Variants in ANKRD31 observed in about 807,000 individuals in gnomAD.
ANKRD31 encodes the protein ankyrin repeat domain-containing protein 31.
ANKRD31 carries 147 observed loss-of-function variants against 186.0 expected under a neutral mutation model. That is an observed-to-expected ratio of 0.79 (90% CI 0.69 to 0.91). ANKRD31 has a LOEUF of 0.91. ANKRD31 is among the 40% of genes least tolerant of loss of function. ANKRD31 has a pLI of 0.00. For synonymous variants in ANKRD31, 673 were observed against 736.4 expected (o/e 0.91, Z 1.39); for missense variants, 1,986 against 2,148.8 (o/e 0.92, Z 1.50).
rs778872936 is a variant in ANKRD31, at chr5:75,222,263, C to T, written c.274G>A (p.Asp92Asn). The T allele has an allele frequency of 4.6e-6, 7 of 1,534,724 alleles. No individual in the cohort carries two copies. The South Asian group carries it at 8.3e-5, about 18-fold the overall frequency. The stretch of plus-strand genomic sequence containing the variant: ...ATGCTACACACCTGTAATATTGTAT[C>T]CTCGCTAAGAACAGGCATCATCTTA... Reference protein sequence around the residue: ...KNKMMPVLSEDTILQSQDETE... With the variant: ...KNKMMPVLSENTILQSQDETE... The change falls in exon 3 of 26, where the codon GAT (aspartate) becomes AAT (asparagine). Residue 92 changes from aspartate (D) to asparagine (N), a missense_variant. Transcript: ENST00000506364.
intron 22 of ANKRD31, among the ~76,000 whole-genome samples, chr5:75,102,195 C>G (rs887378661): frequency 1.3e-5 from 2 of 152,180 alleles, no homozygotes; most frequent in East Asian, 1.9e-4. Flanking sequence ...TGCTGCAGGT[C>G]CACTCCAGAT....
intron 10 of ANKRD31, 78 bp from the exon 11 acceptor site, chr5:75,169,199 T>G: frequency 6.9e-7 from 1 of 1,448,964 alleles, no homozygotes; most frequent in Non-Finnish European, 9.2e-7. Flanking sequence ...AAAAAACAAC[T>G]TTGATTCTAA....
intron 4 of ANKRD31, among the ~76,000 whole-genome samples, chr5:75,209,895 C>G (rs571711494): frequency 1.2e-4 from 19 of 152,310 alleles, no homozygotes; most frequent in Non-Finnish European, 2.5e-4. Context: ...AACACAATGA[C>G]TACTAATATT....
chr5:75,169,052 C>A lies in ANKRD31; in HGVS notation c.1634G>T (p.Gly545Val). Reference sequence around the variant, plus strand: ...TAATCCTTTGATATTTACATCTGCTCCACCTTTTAATAGTTCACTTGCTGT... The same window carrying A: ...TAATCCTTTGATATTTACATCTGCTACACCTTTTAATAGTTCACTTGCTGT... ...YRTASELLKG[G>V]ADVNIKGLYQ... Residue 545 changes from glycine to valine, a missense_variant, in exon 11 of 26, where the codon GGA becomes GTA. By Grantham distance (109) the Gly-to-Val change is moderately radical. Transcript: ENST00000506364. 6.5e-7 allele frequency: 1 copy of A among 1,536,816 alleles called. No individual in the cohort carries two copies. Among genetic ancestry groups the A allele is most frequent in the Non-Finnish European group, 8.7e-7 (1 of 1,146,518 alleles).
At chr5:75,207,713 A>T (rs1187015468) in intron 4 of ANKRD31, among the ~76,000 whole-genome samples, 2 of 152,134 alleles carry the variant, frequency 1.3e-5, no homozygotes, top group African/African-American at 4.8e-5. Flanking sequence ...AAACAAAAAT[A>T]TAAATAAAGC....
chr5:75,107,022 AC>A (rs1320506768), intron 21 of ANKRD31, among the ~76,000 whole-genome samples: 1 of 151,980 alleles, frequency 6.6e-6, no homozygotes, highest in African/African-American at 2.4e-5. Flanking sequence ...CAAGAAAAAA[AC>A]ATGTAACATT....
intron 17 of ANKRD31, among the ~76,000 whole-genome samples, chr5:75,129,789 C>T (rs1749590416): frequency 6.6e-6 from 1 of 152,172 alleles, no homozygotes. Flanking sequence ...GCTTGTCGGA[C>T]AGTGGGTGCA....
At chr5:75,210,626 CA>C (rs1756562690) in intron 4 of ANKRD31, among the ~76,000 whole-genome samples, 1 of 152,032 alleles carries the variant, frequency 6.6e-6, no homozygotes. Flanking sequence ...AATAGAGAAC[CA>C]AGTTAATCTG....
chr5:75,136,384 A>G (rs1750576794), intron 17 of ANKRD31, among the ~76,000 whole-genome samples: 1 of 152,246 alleles, frequency 6.6e-6, no homozygotes, highest in Non-Finnish European at 1.5e-5. Flanking sequence ...AAAAGAAGAC[A>G]TTTATGCAGC....
At chr5:75,111,039 C>A (rs1417042828) in intron 20 of ANKRD31, among the ~76,000 whole-genome samples, 1 of 151,270 alleles carries the variant, frequency 6.6e-6, no homozygotes, top group Admixed American at 6.6e-5. Context: ...AATTGGAAAT[C>A]AAATGTTCAA....
At chr5:75,235,241 C>CTT (rs35626841) in intron 1 of ANKRD31, among the ~76,000 whole-genome samples, 1,257 of 99,814 alleles carry the variant, frequency 0.013, 49 homozygotes, top group Middle Eastern at 0.029. Flanking sequence ...CTTGCTGGTA[C>CTT]TTTTTTTTTT....
chr5:75,069,538 T>C (rs1277857908), intron 25 of ANKRD31, among the ~76,000 whole-genome samples: 1 of 152,010 alleles, frequency 6.6e-6, no homozygotes, highest in African/African-American at 2.4e-5. Flanking sequence ...TTTTTGTTTT[T>C]GTTTTTGTTT....
intron 10 of ANKRD31, among the ~76,000 whole-genome samples, chr5:75,177,086 G>A (rs1753870243): frequency 6.6e-6 from 1 of 152,198 alleles, no homozygotes; most frequent in Non-Finnish European, 1.5e-5. Context: ...CGTGACAAAT[G>A]CACAAGCCTC....
At position 75,104,395 on chromosome 5, in the gene ANKRD31, C is replaced by T. The variant is rs893135092; in HGVS notation, c.5164G>A (p.Ala1722Thr). ...GAAGAGGAGATCTGACTGTCATCTGCACATGGAACAACAGAAACTGATTTT... is the reference window on the plus strand; with the variant it reads ...GAAGAGGAGATCTGACTGTCATCTGTACATGGAACAACAGAAACTGATTTT... ...LKKSVSVVPC[A>T]DDSQISSSSG... Residue 1722 changes from alanine to threonine, a missense_variant, in exon 22 of 26, where the codon GCA becomes ACA. Ala to Thr is a moderately conservative substitution (Grantham distance 58). Transcript: ENST00000506364. 3.3e-6 allele frequency: 5 copies of T among 1,537,182 alleles called. No homozygotes were observed. In the Admixed American group the frequency reaches 7.8e-5, roughly 24 times the overall value.
Position 75,146,864 on chromosome 5 carries a change from T to A in ANKRD31, c.2547A>T (p.Pro849=). 6.5e-7 allele frequency: 1 copy of A among 1,536,398 alleles called. No homozygotes were observed. The highest frequency in any genetic ancestry group is 1.2e-5 in the South Asian group (1 of 84,040). ...GLLLHKEIKL[P]VVTTDKQPHT... is the part of the protein sequence containing the mutation. ...GAGGCTGCTTATCTGTAGTAACAAC[T>A]GGTAACTTGATTTCTTTATGTAATA... The change falls in exon 14 of 26, where the codon CCA becomes CCT. Residue 849 remains proline (P), a synonymous_variant. Transcript: ENST00000506364.
intron 22 of ANKRD31, among the ~76,000 whole-genome samples, chr5:75,092,723 A>G (rs1166349130): frequency 6.6e-6 from 1 of 152,228 alleles, no homozygotes; most frequent in African/African-American, 2.4e-5. Flanking sequence ...AAAGTATGAC[A>G]CACACACTGG....
intron 17 of ANKRD31, among the ~76,000 whole-genome samples, chr5:75,120,818 T>C (rs946227028): frequency 1.3e-5 from 2 of 152,142 alleles, no homozygotes; most frequent in Non-Finnish European, 2.9e-5. Flanking sequence ...AAGATATAGA[T>C]AGGCAGAATG....
At chr5:75,084,455 T>C (rs1745329145) in intron 23 of ANKRD31, 81 bp from the exon 24 acceptor site, 1 of 1,096,252 alleles carries the variant, frequency 9.1e-7, no homozygotes, top group African/African-American at 1.6e-5. Context: ...CATTGTAATT[T>C]TTATAAGGTT....
intron 15 of ANKRD31, among the ~76,000 whole-genome samples, chr5:75,140,279 GAGAA>G (rs1750933292): frequency 3.6e-5 from 3 of 84,204 alleles, no homozygotes; most frequent in Non-Finnish European, 5.3e-5. Flanking sequence ...AAGAGAGAGA[GAGAA>G]AGAAAGGAAG....
Sources: allele counts gnomAD v4.1 joint callset (sites outside exome capture counted in the v4.1 genomes callset), GRCh38; gene constraint gnomAD v4.1.1; transcripts MANE v1.5; gene names NCBI Gene and HGNC (gene_info 2026-07-23, HGNC 2026-07-21).